DNAAF9: variants seen among roughly 807,000 people sequenced by gnomAD.
The protein encoded by DNAAF9 is shulin.
DNAAF9 carries 90 observed loss-of-function variants against 167.0 expected under a neutral mutation model. The ratio of observed to expected loss-of-function variants is 0.54; its 90% confidence interval spans 0.45 to 0.64. DNAAF9 has a LOEUF of 0.64. Among genes scored for constraint, DNAAF9 ranks in the 30% least tolerant of loss-of-function variants. The pLI is 0.00. For missense variants in DNAAF9, 1,315 were observed against 1,442.2 expected (o/e 0.91, Z 1.43); for synonymous variants, 491 against 508.8 (o/e 0.96, Z 0.47).
intron 10 of DNAAF9, among the ~76,000 whole-genome samples, chr20:3,335,092 G>A (rs1431635716): frequency 1.3e-5 from 2 of 152,188 alleles, no homozygotes; most frequent in African/African-American, 4.8e-5. Context: ...TATACACTGG[G>A]TGGTTTTTTA....
chr20:3,381,531 C>CCATA lies in DNAAF9; in HGVS notation c.164-37_164-34dup, dbSNP rs757070155. ...GCAAAGGAGGCTCTGATCAGCTGTA[C>CCATA]CATACTACAGGGAGCAAATGAGCCA... On this transcript the variant is annotated intron_variant, in intron 2 of 36. Coordinates refer to ENST00000252032, the MANE Select transcript of DNAAF9 (RefSeq NM_001009984.3). 16 of 1,605,290 alleles carry CCATA rather than the reference C, an allele frequency of 1.0e-5. No individual in the cohort carries two copies. In the East Asian group the frequency reaches 3.4e-4, roughly 34 times the overall value.
chr20:3,252,370 C>T lies in DNAAF9; in HGVS notation c.*202G>A. On this transcript the variant is annotated 3_prime_UTR_variant, in exon 37 of 37. Transcript: ENST00000252032. ...TGCTCATCCTTGAGTATTCCCCCGA[C>T]CCCCAAAATCAATGGTGCAGGTGAT... is the stretch of plus-strand genomic sequence containing the variant. 2.0e-6 allele frequency: 1 copy of T among 496,208 alleles called. No homozygotes were observed. The highest frequency in any genetic ancestry group is 2.5e-5 in the South Asian group (1 of 40,682). The allele number at this position is 496,208 out of a possible 1,614,324, so 30.7% of individuals were successfully genotyped here.
At chr20:3,278,460 C>T (rs550782041) in intron 29 of DNAAF9, among the ~76,000 whole-genome samples, 1 of 152,260 alleles carries the variant, frequency 6.6e-6, no homozygotes, top group Non-Finnish European at 1.5e-5. Flanking sequence ...GTGGCTCATG[C>T]CTGTAATCCC....
intron 11 of DNAAF9, 109 bp from the exon 12 acceptor site, chr20:3,330,791 C>CTTTTTTTT: frequency 1.4e-5 from 6 of 414,484 alleles, no homozygotes; most frequent in East Asian, 4.7e-5. Context: ...AAGAACTACA[C>CTTTTTTTT]TTTTTTTTTT....
At chr20:3,310,333 A>AAAAGAAAGAAAAAAGAAAGAAAG (rs1555790604) in intron 20 of DNAAF9, among the ~76,000 whole-genome samples, 1,716 of 106,024 alleles carry the variant, frequency 0.016, 25 homozygotes, top group African/African-American at 0.025. Context: ...AAGAGAAAGA[A>AAAAGAAAGAAAAAAGAAAGAAAG]AAAGAAAGAA....
intron 6 of DNAAF9, among the ~76,000 whole-genome samples, chr20:3,370,459 G>T (rs2083492378): frequency 6.6e-6 from 1 of 151,726 alleles, no homozygotes; most frequent in African/African-American, 2.4e-5. Flanking sequence ...CGTCCAGCTG[G>T]AGTGCAGTGG....
At chr20:3,336,265 T>G (rs537753849) in intron 10 of DNAAF9, among the ~76,000 whole-genome samples, 3 of 144,982 alleles carry the variant, frequency 2.1e-5, no homozygotes, top group East Asian at 2.0e-4. Flanking sequence ...TTTGTTTTTT[T>G]TTTTTTTTTT....
intron 23 of DNAAF9, chr20:3,295,478 C>CT (rs33916484): frequency 0.34 from 83,566 of 246,312 alleles, 10,303 homozygotes; most frequent in Admixed American, 0.4. Context: ...TGCGCCTGAC[C>CT]TTTTTTTTTT....
At chr20:3,285,470 G>C (rs2068834908) in intron 27 of DNAAF9, among the ~76,000 whole-genome samples, 1 of 152,124 alleles carries the variant, frequency 6.6e-6, no homozygotes, top group Non-Finnish European at 1.5e-5. Context: ...CTTGAGGTCA[G>C]GAGTTCAAGA....
At chr20:3,327,552 A>G (rs780951319) in intron 12 of DNAAF9, among the ~76,000 whole-genome samples, 2 of 152,174 alleles carry the variant, frequency 1.3e-5, no homozygotes, top group Non-Finnish European at 2.9e-5. Flanking sequence ...AAATGTGTCT[A>G]TTTTTAAGCC....
chr20:3,332,931 G>GTGTGTA (rs1212300256), intron 10 of DNAAF9, among the ~76,000 whole-genome samples: 1 of 150,810 alleles, frequency 6.6e-6, no homozygotes, highest in East Asian at 1.9e-4. Flanking sequence ...GTGTGTGTGT[G>GTGTGTA]TGTGTGGTTT....
At position 3,318,343 on chromosome 20, in the gene DNAAF9, A is replaced by G. The variant is rs2069547516; in HGVS notation, c.1414T>C (p.Ser472Pro). The change falls in exon 17 of 37, where the codon TCT becomes CCT. Residue 472 changes from serine (S) to proline (P), a missense_variant. Around this residue, in one of 2 missense-constraint regions of DNAAF9, gnomAD observed 981 missense variants for 1,012.5 expected, o/e 0.97. Transcript: ENST00000252032. Reference sequence around the variant, plus strand: ...AAAAATGATTCAGAGAAAACCACAGATCCTAAACAACCATTGCCTCCCAGT... The same window carrying G: ...AAAAATGATTCAGAGAAAACCACAGGTCCTAAACAACCATTGCCTCCCAGT... Reference protein sequence around the residue: ...DLLGGNGCLGSVVFSESFLTS... With the variant: ...DLLGGNGCLGPVVFSESFLTS... The G allele has an allele frequency of 1.9e-6, 3 of 1,607,548 alleles. No individual in the cohort carries two copies. The highest frequency in any genetic ancestry group is 1.7e-5 in the Admixed American group (1 of 59,964).
intron 12 of DNAAF9, among the ~76,000 whole-genome samples, chr20:3,329,228 G>A (rs1193209635): frequency 6.6e-6 from 1 of 152,010 alleles, no homozygotes; most frequent in Admixed American, 6.5e-5. Flanking sequence ...GTGTAGTGGT[G>A]TGATCTCAGC....
At chr20:3,260,388 C>A (rs1022136609) in intron 31 of DNAAF9, among the ~76,000 whole-genome samples, 4 of 152,240 alleles carry the variant, frequency 2.6e-5, no homozygotes, top group African/African-American at 9.6e-5. Context: ...TTCTCCCTTA[C>A]ATCTATGCCA....
At chr20:3,383,544 C>T (rs368307342) in intron 1 of DNAAF9, among the ~76,000 whole-genome samples, 6 of 152,038 alleles carry the variant, frequency 3.9e-5, no homozygotes, top group Admixed American at 1.3e-4. Flanking sequence ...TGAGCCACCG[C>T]GCCCAGCTTC....
At chr20:3,287,544 G>A in intron 27 of DNAAF9, 88 bp downstream of exon 27, 1 of 1,271,204 alleles carries the variant, frequency 7.9e-7, no homozygotes, top group Admixed American at 1.7e-5. Flanking sequence ...AGTCTGTTCT[G>A]TGCTCCAGGT....
At chr20:3,310,848 T>C (rs761641379) in intron 20 of DNAAF9, among the ~76,000 whole-genome samples, 2 of 152,114 alleles carry the variant, frequency 1.3e-5, no homozygotes, top group Non-Finnish European at 2.9e-5. Flanking sequence ...AAAATCCTAA[T>C]AATAACAGCA....
intron 25 of DNAAF9, among the ~76,000 whole-genome samples, chr20:3,292,347 A>C (rs1264990662): frequency 6.6e-6 from 1 of 152,154 alleles, no homozygotes; most frequent in Non-Finnish European, 1.5e-5. Flanking sequence ...TTACAAACAG[A>C]TGCTTTACAC....
chr20:3,398,349 C>T (rs2083939295), intron 1 of DNAAF9, among the ~76,000 whole-genome samples: 1 of 152,146 alleles, frequency 6.6e-6, no homozygotes, highest in Admixed American at 6.5e-5. Context: ...CCCCAATATC[C>T]TTTCCAGCCA....
Sources: gnomAD v4.1 joint callset for allele counts (sites outside exome capture counted in the v4.1 genomes callset) on GRCh38, gnomAD v4.1.1 for gene constraint, gnomAD v4.1.1 regional missense constraint, MANE v1.5 for transcripts, NCBI Gene and HGNC (gene_info 2026-07-23, HGNC 2026-07-21) for gene names.